SLC9A4: variants seen among roughly 807,000 people sequenced by gnomAD.
SLC9A4 encodes the protein solute carrier family 9 member A4.
In SLC9A4, 63 loss-of-function variants were observed where a neutral mutation model predicts 67.4. The ratio of observed to expected loss-of-function variants is 0.93; its 90% confidence interval spans 0.76 to 1.15. The LOEUF (loss-of-function observed/expected upper bound fraction) is 1.15. Ranked by LOEUF, SLC9A4 falls within the 50% of genes most tolerant of loss-of-function variation. The probability of loss-of-function intolerance (pLI) is 0.00; values close to 1 mark genes in which losing one functional copy is unlikely to be tolerated. For missense variants in SLC9A4, 1,089 were observed against 987.7 expected, an observed-to-expected ratio of 1.10 and a Z score of -1.38; for synonymous variants, 393 against 367.2, an observed-to-expected ratio of 1.07 and a Z score of -0.80.
chr2:102,491,284 A>T (rs1219154722), intron 2 of SLC9A4, among the ~76,000 whole-genome samples: 1 of 86,080 alleles, frequency 1.2e-5, no homozygotes, highest in Non-Finnish European at 2.6e-5. Flanking sequence ...TTTCAACTGA[A>T]TTTTTTTATT....
intron 2 of SLC9A4, among the ~76,000 whole-genome samples, chr2:102,484,578 C>T (rs1272102405): frequency 6.6e-6 from 1 of 152,194 alleles, no homozygotes; most frequent in African/African-American, 2.4e-5. Flanking sequence ...AGCTCCCGGA[C>T]ACTGTTTAGT....
At chr2:102,531,305 G>A (rs1674775229) in intron 11 of SLC9A4, among the ~76,000 whole-genome samples, 1 of 152,180 alleles carries the variant, frequency 6.6e-6, no homozygotes, top group African/African-American at 2.4e-5. Flanking sequence ...AGACTTTGAA[G>A]AAGTGAGAGT....
At chr2:102,500,677 G>T (rs1020146136) in intron 2 of SLC9A4, among the ~76,000 whole-genome samples, 2 of 152,176 alleles carry the variant, frequency 1.3e-5, no homozygotes, top group Non-Finnish European at 2.9e-5. Flanking sequence ...TTTGATATCT[G>T]CACATAAGGG....
intron 9 of SLC9A4, 139 bp from the exon 10 acceptor site, chr2:102,524,885 A>G (rs1674626682): frequency 1.0e-6 from 1 of 991,786 alleles, no homozygotes; most frequent in Non-Finnish European, 1.5e-6. Flanking sequence ...GTTCATTCGT[A>G]ATCAAGGCAA....
intron 2 of SLC9A4, among the ~76,000 whole-genome samples, chr2:102,480,495 T>C (rs563626553): frequency 9.9e-5 from 15 of 152,174 alleles, no homozygotes; most frequent in Non-Finnish European, 2.2e-4. Flanking sequence ...TAGTATTGCA[T>C]AAATTAAGTT....
chr2:102,505,256 T>A lies in SLC9A4; in HGVS notation c.983T>A (p.Ile328Asn), dbSNP rs1416713936. ...ETLYLSGILA[I>N]TACAVTMKKY... ...CTGAGACTCTGCTCCTTTTATAGAA[T>A]CACAGCCTGCGCAGTAACAATGAAA... The change falls in exon 4 of 12, where the codon ATC becomes AAC. Residue 328 changes from isoleucine to asparagine, a missense_variant and splice_region_variant. Physicochemically the swap from Ile to Asn is moderately radical, Grantham distance 149. Coordinates refer to ENST00000295269, the MANE Select transcript of SLC9A4 (RefSeq NM_001011552.4). 2 of 1,613,612 alleles carry A rather than the reference T, an allele frequency of 1.2e-6. No individual in the cohort carries two copies. The highest frequency in any genetic ancestry group is 2.2e-5 in the South Asian group (2 of 90,936).
At chr2:102,494,945 G>T (rs928229764) in intron 2 of SLC9A4, among the ~76,000 whole-genome samples, 1 of 151,966 alleles carries the variant, frequency 6.6e-6, no homozygotes, top group Non-Finnish European at 1.5e-5. Flanking sequence ...TAAAATATTA[G>T]CAAGGCATGG....
intron 11 of SLC9A4, among the ~76,000 whole-genome samples, chr2:102,527,018 A>T (rs1288038142): frequency 6.6e-6 from 1 of 152,186 alleles, no homozygotes; most frequent in African/African-American, 2.4e-5. Context: ...TAAACTAAAC[A>T]TAAAGGATTT....
rs773966503 is a variant in SLC9A4 at position 102,508,223 on chromosome 2, G to A, written c.1343G>A (p.Arg448Lys). ...TTGCTTCCTCTGTCTCTTTTTCCTA[G>A]GAAGAAAATGTTTGTCACTGCTACT... ...AFLLPLSLFP[R>K]KKMFVTATLV... is the part of the protein sequence containing the mutation. The change falls in exon 5 of 12, where the codon AGG (arginine) becomes AAG (lysine). Residue 448 changes from arginine (R) to lysine (K), a missense_variant. Arg to Lys is a conservative substitution (Grantham distance 26, BLOSUM62 2). Coordinates refer to ENST00000295269, the MANE Select transcript of SLC9A4 (RefSeq NM_001011552.4). 103 of 1,613,922 alleles carry A rather than the reference G, an allele frequency of 6.4e-5. No individual in the cohort carries two copies. The highest frequency in any genetic ancestry group is 8.6e-5 in the Non-Finnish European group (102 of 1,180,006).
chr2:102,506,574 CA>C (rs1374498882), intron 4 of SLC9A4, among the ~76,000 whole-genome samples: 12 of 152,140 alleles, frequency 7.9e-5, no homozygotes, highest in African/African-American at 2.9e-4. Flanking sequence ...GGCCTTATTA[CA>C]AACTAGCTGT....
At chr2:102,476,272 C>G (rs1218323886) in intron 1 of SLC9A4, among the ~76,000 whole-genome samples, 1 of 152,192 alleles carries the variant, frequency 6.6e-6, no homozygotes, top group African/African-American at 2.4e-5. Context: ...TTTCTTGAAT[C>G]TTTGGGAAGA....
At chr2:102,510,086 A>C (rs1553413580) in intron 6 of SLC9A4, among the ~76,000 whole-genome samples, 2 of 151,674 alleles carry the variant, frequency 1.3e-5, no homozygotes, top group Non-Finnish European at 2.9e-5. Context: ...TAGAATTGTG[A>C]GGGTCCGACA....
intron 2 of SLC9A4, among the ~76,000 whole-genome samples, chr2:102,494,953 T>A (rs748867643): frequency 3.3e-5 from 5 of 152,062 alleles, no homozygotes; most frequent in Non-Finnish European, 7.4e-5. Flanking sequence ...TAGCAAGGCA[T>A]GGAGAATCTG....
intron 8 of SLC9A4, among the ~76,000 whole-genome samples, chr2:102,514,925 G>A (rs1030323790): frequency 3.3e-5 from 5 of 152,144 alleles, no homozygotes; most frequent in Non-Finnish European, 5.9e-5. Flanking sequence ...ATTACAAGAC[G>A]ATTTTCTATG....
chr2:102,521,216 G>T (rs1685410870), intron 9 of SLC9A4, among the ~76,000 whole-genome samples: 1 of 152,226 alleles, frequency 6.6e-6, no homozygotes, highest in Non-Finnish European at 1.5e-5. Context: ...TCTAGAAACG[G>T]AGATGGAGAT....
intron 11 of SLC9A4, among the ~76,000 whole-genome samples, chr2:102,530,208 G>A (rs1674750887): frequency 6.6e-6 from 1 of 152,186 alleles, no homozygotes; most frequent in South Asian, 2.1e-4. Flanking sequence ...CATCCTCTGT[G>A]TGTTGGGGCC....
intron 6 of SLC9A4, among the ~76,000 whole-genome samples, chr2:102,509,177 C>T (rs1434857930): frequency 6.6e-6 from 1 of 152,324 alleles, no homozygotes; most frequent in East Asian, 1.9e-4. Context: ...GGGCTGCGCT[C>T]CTTTCTGGAG....
chr2:102,474,104 A>G, intron 1 of SLC9A4, 89 bp downstream of exon 1: 3 of 1,445,830 alleles, frequency 2.1e-6, no homozygotes, highest in Non-Finnish European at 2.8e-6. Flanking sequence ...GGCTAAGAGG[A>G]TTTTAACTGT....
intron 2 of SLC9A4, among the ~76,000 whole-genome samples, chr2:102,480,083 C>A (rs928725988): frequency 1.3e-5 from 2 of 152,168 alleles, no homozygotes; most frequent in African/African-American, 4.8e-5. Context: ...TCTATCACAG[C>A]ACATAAGTAA....
Sources: allele counts gnomAD v4.1 joint callset (sites outside exome capture counted in the v4.1 genomes callset), GRCh38; gene constraint gnomAD v4.1.1; transcripts MANE v1.5; gene names NCBI Gene and HGNC (gene_info 2026-07-23, HGNC 2026-07-21).